The following ZMYM4 variants were observed in gnomAD, a reference collection of about 807,000 sequenced individuals.
ZMYM4 encodes the protein zinc finger MYM-type containing 4.
In ZMYM4, 31 loss-of-function variants were observed where a neutral mutation model predicts 183.2. The ratio of observed to expected loss-of-function variants is 0.17; its 90% CI spans 0.13 to 0.23. ZMYM4 has a LOEUF of 0.23. ZMYM4 is among the 10% of genes least tolerant of loss of function. ZMYM4 has a pLI of 1.00. For missense variants in ZMYM4, 1,273 were observed against 1,840.3 expected, an observed-to-expected ratio of 0.69 and a Z score of 5.64; for synonymous variants, 592 against 631.2, an observed-to-expected ratio of 0.94 and a Z score of 0.93.
intron 2 of ZMYM4, among the ~76,000 whole-genome samples, chr1:35,341,200 C>T (rs1165801067): frequency 2.0e-5 from 3 of 152,032 alleles, no homozygotes; most frequent in Admixed American, 2.0e-4. Flanking sequence ...GGTCAAGCCA[C>T]TGTCTCAGTT....
At chr1:35,370,739 T>C in intron 7 of ZMYM4, 112 bp downstream of exon 7, 1 of 1,167,632 alleles carries the variant, frequency 8.6e-7, no homozygotes, top group South Asian at 3.4e-5. Flanking sequence ...TTTTTTTTTT[T>C]TTTTTTTTTT....
At chr1:35,370,338 A>AT (rs35122134) in intron 6 of ZMYM4, 34 bp from the exon 7 acceptor site, 157,877 of 1,097,866 alleles carry the variant, frequency 0.14, 4,047 homozygotes, top group African/African-American at 0.32. Flanking sequence ...TTTTCTTTCA[A>AT]TTTTTTTTTT....
chr1:35,412,551 G>C (rs1178071802), intron 26 of ZMYM4, among the ~76,000 whole-genome samples: 1 of 152,034 alleles, frequency 6.6e-6, no homozygotes, highest in Non-Finnish European at 1.5e-5. Flanking sequence ...TTCTGTAACT[G>C]TACAAAACTC....
chr1:35,400,298 T>C (rs1207115583), intron 23 of ZMYM4: 2 of 135,134 alleles, frequency 1.5e-5, no homozygotes, highest in Admixed American at 7.8e-5. Context: ...ACCTCCTGGG[T>C]TCAGGCCATT....
chr1:35,280,282 C>G (rs917715420), intron 1 of ZMYM4, among the ~76,000 whole-genome samples: 2 of 147,684 alleles, frequency 1.4e-5, no homozygotes, highest in Non-Finnish European at 3.0e-5. Context: ...CTCTCTCTCC[C>G]TCTCTCTCTC....
chr1:35,361,380 A>C, intron 4 of ZMYM4, 125 bp downstream of exon 4: 1 of 1,036,138 alleles, frequency 9.7e-7, no homozygotes, highest in Non-Finnish European at 1.4e-6. Context: ...TAATTTGCTT[A>C]ATATTTGTTT....
chr1:35,325,485 C>A, intron 2 of ZMYM4, 80 bp downstream of exon 2: 2 of 1,415,498 alleles, frequency 1.4e-6, no homozygotes, highest in Non-Finnish European at 1.9e-6. Flanking sequence ...TTAACTATTA[C>A]AGTGTTTAGT....
chr1:35,358,744 CT>C, intron 2 of ZMYM4, 180 bp from the exon 3 acceptor site: 1 of 521,884 alleles, frequency 1.9e-6, no homozygotes. Context: ...TCCTTGTTTC[CT>C]TAACTGTCAG....
chr1:35,389,169 A>G lies in ZMYM4; in HGVS notation c.2436+87A>G. 2.2e-6 allele frequency: 3 copies of G among 1,353,216 alleles called. No individual in the cohort carries two copies. Among genetic ancestry groups the G allele is most frequent in the African/African-American group, 1.5e-5 (1 of 67,790 alleles). The allele number at this position is 1,353,216 out of a possible 1,614,324, so 83.8% of individuals were successfully genotyped here. On this transcript the variant is annotated intron_variant, in intron 14 of 29. Transcript: ENST00000314607. The surrounding 1 kb of genome is among the most constrained non-coding windows in gnomAD (Gnocchi z 4.0). Reference sequence around the variant, plus strand: ...TTTCATGTCACATAAAGGACAATTTAATTATTTAAAACTTTTAAGTATTAA... The same window carrying G: ...TTTCATGTCACATAAAGGACAATTTGATTATTTAAAACTTTTAAGTATTAA...
intron 1 of ZMYM4, among the ~76,000 whole-genome samples, chr1:35,291,351 G>A (rs1341489959): frequency 1.3e-5 from 2 of 151,558 alleles, no homozygotes; most frequent in African/African-American, 4.8e-5. Context: ...TCATATTTCT[G>A]GCCTGAAGTG....
intron 2 of ZMYM4, among the ~76,000 whole-genome samples, chr1:35,338,004 CTTTAGGGACTCTGAAA>C (rs1412541257): frequency 1.3e-5 from 2 of 152,092 alleles, no homozygotes; most frequent in Admixed American, 1.3e-4. Flanking sequence ...TCTGACAAAA[CTTTAGGGACTCTGAAA>C]TTTGAATTTA....
At chr1:35,321,122 T>TGG (rs1642263245) in intron 1 of ZMYM4, among the ~76,000 whole-genome samples, 1 of 152,268 alleles carries the variant, frequency 6.6e-6, no homozygotes, top group African/African-American at 2.4e-5. Flanking sequence ...TATGACCTCA[T>TGG]ACAGCTTCAG....
chr1:35,396,404 G>T, intron 18 of ZMYM4, 148 bp from the exon 19 acceptor site: 1 of 1,110,694 alleles, frequency 9.0e-7, no homozygotes, highest in Non-Finnish European at 1.2e-6. Flanking sequence ...GGCTACTTTA[G>T]TTATTTCTCC....
At chr1:35,340,754 G>GC (rs752847223) in intron 2 of ZMYM4, among the ~76,000 whole-genome samples, 16 of 152,136 alleles carry the variant, frequency 1.1e-4, no homozygotes, top group Non-Finnish European at 2.2e-4. Context: ...ATGAAGCTTT[G>GC]CTTGCTTGTG....
At chr1:35,381,522 G>A (rs1282149506) in intron 8 of ZMYM4, 24 bp from the exon 9 acceptor site, 1 of 1,613,670 alleles carries the variant, frequency 6.2e-7, no homozygotes, top group Non-Finnish European at 8.5e-7. Context: ...CCTTGTTTTT[G>A]TGTTGCTGTT....
chr1:35,369,939 A>G (rs72659609), intron 5 of ZMYM4, 90 bp from the exon 6 acceptor site: 22,295 of 857,054 alleles, frequency 0.026, 423 homozygotes, highest in Non-Finnish European at 0.033. Context: ...CCACCTCTAT[A>G]TAGTGGTAGT....
intron 2 of ZMYM4, among the ~76,000 whole-genome samples, chr1:35,327,460 A>T (rs902069948): frequency 1.1e-4 from 16 of 152,032 alleles, no homozygotes; most frequent in South Asian, 4.1e-4. Context: ...GTACTTTTTT[A>T]AAAAAAATTT....
At chr1:35,281,661 A>AATATATATAT (rs56216613) in intron 1 of ZMYM4, among the ~76,000 whole-genome samples, 5 of 148,016 alleles carry the variant, frequency 3.4e-5, no homozygotes, top group African/African-American at 1.2e-4. Context: ...TCATATAATA[A>AATATATATAT]ATATATATAT....
At chr1:35,377,602 A>G (rs1644362908) in intron 7 of ZMYM4, among the ~76,000 whole-genome samples, 1 of 152,246 alleles carries the variant, frequency 6.6e-6, no homozygotes, top group African/African-American at 2.4e-5. Flanking sequence ...GTTCATATCA[A>G]AGTTGTGTTT....
Sources: gnomAD v4.1 joint callset for allele counts (sites outside exome capture counted in the v4.1 genomes callset) on GRCh38, gnomAD v4.1.1 for gene constraint, Gnocchi (gnomAD v3.1) non-coding constraint, MANE v1.5 for transcripts, NCBI Gene and HGNC (gene_info 2026-07-23, HGNC 2026-07-21) for gene names.